FBXO48: variants seen among roughly 807,000 people sequenced by gnomAD.
The protein encoded by FBXO48 is F-box protein 48.
FBXO48 carries 12 observed loss-of-function variants against 14.3 expected under a neutral mutation model. That is an observed-to-expected ratio of 0.84 (90% CI 0.54 to 1.36). FBXO48 has a LOEUF of 1.36. FBXO48 is among the 40% of genes most tolerant of loss of function. The pLI is 0.00. For missense variants in FBXO48, 177 were observed against 179.1 expected (o/e 0.99, Z 0.07); for synonymous variants, 53 against 61.7 (o/e 0.86, Z 0.66).
chr2:68,459,928 T>C lies in FBXO48; in HGVS notation c.*4281A>G, dbSNP rs1364690354. 6.6e-6 allele frequency: 1 copy of C among 152,154 alleles called. No homozygotes were observed. The highest frequency in any genetic ancestry group is 1.5e-5 in the Non-Finnish European group (1 of 68,034). 9.4% of individuals were successfully genotyped at this position (152,154 alleles called of 1,614,324 possible). A position where few individuals can be genotyped will look rare whatever the true frequency, so the allele number is the denominator to read the frequency against. On this transcript the variant is annotated 3_prime_UTR_variant, in exon 4 of 4. Transcript: ENST00000377957. The stretch of plus-strand genomic sequence containing the variant: ...AAGATGATAAGTTTTACAATAGATT[T>C]TTGCCAAGAAAAGAATCAATGGTGG...
At chr2:68,466,721 T>C (rs1160051097) in intron 1 of FBXO48, among the ~76,000 whole-genome samples, 1 of 152,164 alleles carries the variant, frequency 6.6e-6, no homozygotes, top group African/African-American at 2.4e-5. Context: ...GTAACGGGAA[T>C]GAAGGCTTTT....
rs1205010547 is a variant in FBXO48 at position 68,460,297 on chromosome 2, T to C, written c.*3912A>G. ...ATGTCAAATAAGGACAAGAATTAAG[T>C]AATGAGGCAGAGATAAAGATGGGGA... On this transcript the variant is annotated 3_prime_UTR_variant, in exon 4 of 4. Transcript: ENST00000377957. 6.6e-6 allele frequency: 1 copy of C among 152,082 alleles called. No individual in the cohort carries two copies. The highest frequency in any genetic ancestry group is 1.5e-5 in the Non-Finnish European group (1 of 68,006). The allele number at this position is 152,082 out of a possible 1,614,324, so 9.4% of individuals were successfully genotyped here.
intron 1 of FBXO48, among the ~76,000 whole-genome samples, chr2:68,466,898 C>G (rs1573130068): frequency 6.6e-6 from 1 of 152,302 alleles, no homozygotes; most frequent in Non-Finnish European, 1.5e-5. Context: ...AAAGCTCGTC[C>G]CCCTTTCAAC....
Position 68,464,328 on chromosome 2 carries a change from C to T in FBXO48, c.349G>A (p.Glu117Lys), listed in dbSNP as rs150621874. Reference sequence around the variant, plus strand: ...TTGCTGTATCTGCCACTTAGCCATTCGTGTTTCACTTTACTCTTCTGGTAA... The same window carrying T: ...TTGCTGTATCTGCCACTTAGCCATTTGTGTTTCACTTTACTCTTCTGGTAA... ...RNYQKSKVKH[E>K]WLSGRYSNIC... The change falls in exon 4 of 4, where the codon GAA becomes AAA. Residue 117 changes from glutamate (E) to lysine (K), a missense_variant. By Grantham distance (56) the Glu-to-Lys change is moderately conservative. Transcript: ENST00000377957. The T allele has an allele frequency of 1.4e-5, 22 of 1,613,580 alleles. No individual in the cohort carries two copies. In the African/African-American group the frequency reaches 2.1e-4, roughly 16 times the overall value.
In FBXO48 at chr2:68,464,954, G is replaced by T. The variant is rs1319152977; in HGVS notation, c.192C>A (p.Ser64Arg). 2 of 1,613,848 alleles carry T rather than the reference G, an allele frequency of 1.2e-6. No individual in the cohort carries two copies. The highest frequency in any genetic ancestry group is 1.7e-6 in the Non-Finnish European group (2 of 1,179,974). ...CACTGTTTCTTATTGTGTCATTCCA[G>T]CTCCTGCATGTCAATGAAGCCCTGC... The part of the protein sequence containing the change: ...SLCRASLTCR[S>R]WNDTIRNSDS... The change falls in exon 3 of 4, where the codon AGC becomes AGA. Residue 64 changes from serine to arginine, a missense_variant. By Grantham distance (110) the Ser-to-Arg change is moderately radical. Coordinates refer to ENST00000377957, the MANE Select transcript of FBXO48 (RefSeq NM_001024680.3).
At chr2:68,466,000 T>A (rs572848865) in intron 2 of FBXO48, 144 bp downstream of exon 2, 1 of 152,316 alleles carries the variant, frequency 6.6e-6, no homozygotes, top group African/African-American at 2.4e-5. Flanking sequence ...CTATCCTACA[T>A]GCATAATTAC....
Position 68,459,926 on chromosome 2 carries a change from T to G in FBXO48, c.*4283A>C, listed in dbSNP as rs1235245895. On this transcript the variant is annotated 3_prime_UTR_variant, in exon 4 of 4. Transcript: ENST00000377957. ...CCAAGATGATAAGTTTTACAATAGATTTTTGCCAAGAAAAGAATCAATGGT... is the reference window on the plus strand; with the variant it reads ...CCAAGATGATAAGTTTTACAATAGAGTTTTGCCAAGAAAAGAATCAATGGT... The G allele has an allele frequency of 6.6e-6, 1 of 152,142 alleles. No homozygotes were observed. Among genetic ancestry groups the G allele is most frequent in the Non-Finnish European group, 1.5e-5 (1 of 68,022 alleles). 9.4% of individuals were successfully genotyped at this position (152,142 alleles called of 1,614,324 possible).
rs1025353673 is a variant in FBXO48 at position 68,460,594 on chromosome 2, A to G, written c.*3615T>C. On this transcript the variant is annotated 3_prime_UTR_variant, in exon 4 of 4. Coordinates refer to ENST00000377957, the MANE Select transcript of FBXO48 (RefSeq NM_001024680.3). Reference sequence around the variant, plus strand: ...GGATAAAAATCCAAAAGATAATAGCATATGTATTTCTGGAACATCTCATGG... The same window carrying G: ...GGATAAAAATCCAAAAGATAATAGCGTATGTATTTCTGGAACATCTCATGG... 2.0e-5 allele frequency: 3 copies of G among 151,802 alleles called. No individual in the cohort carries two copies. Among genetic ancestry groups the G allele is most frequent in the South Asian group, 4.1e-4 (2 of 4,824 alleles). The allele number at this position is 151,802 out of a possible 1,614,324, so 9.4% of individuals were successfully genotyped here.
Position 68,464,116 on chromosome 2 carries a change from C to G in FBXO48, c.*93G>C, listed in dbSNP as rs1198525301. On this transcript the variant is annotated 3_prime_UTR_variant, in exon 4 of 4. Coordinates refer to ENST00000377957, the MANE Select transcript of FBXO48 (RefSeq NM_001024680.3). Reference sequence around the variant, plus strand: ...CATTTTCTTTTAAAAAGGTGAACAACAAAATGAACGAATAAAGATATCGCT... The same window carrying G: ...CATTTTCTTTTAAAAAGGTGAACAAGAAAATGAACGAATAAAGATATCGCT... The G allele has an allele frequency of 6.4e-6, 7 of 1,095,522 alleles. No individual in the cohort carries two copies. Among genetic ancestry groups the G allele is most frequent in the African/African-American group, 6.2e-5 (4 of 64,292 alleles). The allele number at this position is 1,095,522 out of a possible 1,614,324, so 67.9% of individuals were successfully genotyped here. A position where few individuals can be genotyped will look rare whatever the true frequency, so the allele number is the denominator to read the frequency against.
chr2:68,460,767 G>C lies in FBXO48; in HGVS notation c.*3442C>G, dbSNP rs1024513279. 4.6e-5 allele frequency: 7 copies of C among 152,184 alleles called. No individual in the cohort carries two copies. Among genetic ancestry groups the C allele is most frequent in the African/African-American group, 1.4e-4 (6 of 41,428 alleles). The allele number at this position is 152,184 out of a possible 1,614,324, so 9.4% of individuals were successfully genotyped here. ...CTTTGGGGGAACACTAACATGTAATGAGTAGGTGAAGGAAAGCGAGTCTTT... is the reference window on the plus strand; with the variant it reads ...CTTTGGGGGAACACTAACATGTAATCAGTAGGTGAAGGAAAGCGAGTCTTT... On this transcript the variant is annotated 3_prime_UTR_variant, in exon 4 of 4. Transcript: ENST00000377957.
In FBXO48 at chr2:68,462,148, A is replaced by G. The variant is rs1675279495; in HGVS notation, c.*2061T>C. On this transcript the variant is annotated 3_prime_UTR_variant, in exon 4 of 4. Transcript: ENST00000377957. ...AGTCTCCCTAATTAGGATAACTTCT[A>G]TTAACAGATGATGATGATAGATTGT... 1.3e-5 allele frequency: 2 copies of G among 152,172 alleles called. No individual in the cohort carries two copies. Among genetic ancestry groups the G allele is most frequent in the South Asian group, 4.1e-4 (2 of 4,828 alleles). 9.4% of individuals were successfully genotyped at this position (152,172 alleles called of 1,614,324 possible).
chr2:68,464,428 T>C (rs1675344397), intron 3 of FBXO48, 58 bp from the exon 4 acceptor site: 2 of 1,511,790 alleles, frequency 1.3e-6, no homozygotes, highest in Admixed American at 1.7e-5. Flanking sequence ...TTAGTGAATG[T>C]GTTTAAAGCA....
At chr2:68,466,052 A>C (rs1230412453) in intron 2 of FBXO48, 92 bp downstream of exon 2, 1 of 152,224 alleles carries the variant, frequency 6.6e-6, no homozygotes, top group African/African-American at 2.4e-5. Context: ...AGCAACAGTG[A>C]GTGACAACTG....
chr2:68,465,322 C>T (rs1363088008), intron 2 of FBXO48, 144 bp from the exon 3 acceptor site: 2 of 593,214 alleles, frequency 3.4e-6, no homozygotes, highest in African/African-American at 3.7e-5. Context: ...CTGCCGCTCT[C>T]CTGAAAGTTC....
rs1258560777 is a variant in FBXO48, at chr2:68,466,419, T to C, written c.-309A>G. 1 of 152,230 alleles carries C rather than the reference T, an allele frequency of 6.6e-6. No homozygotes were observed. Among genetic ancestry groups the C allele is most frequent in the African/African-American group, 2.4e-5 (1 of 41,450 alleles). 9.4% of individuals were successfully genotyped at this position (152,230 alleles called of 1,614,324 possible). A position where few individuals can be genotyped will look rare whatever the true frequency, so the allele number is the denominator to read the frequency against. ...AGACCACGGTGGCTCCCATTCATGA[T>C]CCAGATTAGCTGTGGTGGCTGGAAC... On this transcript the variant is annotated 5_prime_UTR_variant, in exon 2 of 4. Transcript: ENST00000377957.
Position 68,462,075 on chromosome 2 carries a change from C to G in FBXO48, c.*2134G>C, listed in dbSNP as rs180852042. ...AAAACAAAAACAAAAAACTGCCCCC[C>G]ACCCCGGCCAAAAAAAACCACACAC... is the stretch of plus-strand genomic sequence containing the variant. On this transcript the variant is annotated 3_prime_UTR_variant, in exon 4 of 4. Coordinates refer to ENST00000377957, the MANE Select transcript of FBXO48 (RefSeq NM_001024680.3). 2 of 152,294 alleles carry G rather than the reference C, an allele frequency of 1.3e-5. No individual in the cohort carries two copies. Among genetic ancestry groups the G allele is most frequent in the Non-Finnish European group, 2.9e-5 (2 of 68,430 alleles). 9.4% of individuals were successfully genotyped at this position (152,294 alleles called of 1,614,324 possible).
Position 68,465,003 on chromosome 2 carries a change from C to T in FBXO48, c.143G>A (p.Ser48Asn). ...GCACAGACTCCGAATGTCCAGCTGA[C>T]TGAAAATTTTAAAAGTGATTTCTGC... ...LPAEITFKIFSQLDIRSLCRA... is the reference protein window; with the variant it reads ...LPAEITFKIFNQLDIRSLCRA... Residue 48 changes from serine to asparagine, a missense_variant, in exon 3 of 4, where the codon AGT (serine) becomes AAT (asparagine). Ser to Asn is a conservative substitution (Grantham distance 46, BLOSUM62 1). Transcript: ENST00000377957. 1 of 1,613,998 alleles carries T rather than the reference C, an allele frequency of 6.2e-7. No individual in the cohort carries two copies. Among genetic ancestry groups the T allele is most frequent in the Non-Finnish European group, 8.5e-7 (1 of 1,180,040 alleles).
At position 68,464,356 on chromosome 2, in the gene FBXO48, C is replaced by A; in HGVS notation, c.321G>T (p.Arg107Ser). The change falls in exon 4 of 4, where the codon AGG becomes AGT. Residue 107 changes from arginine to serine, a missense_variant. Arg to Ser is a moderately radical substitution (Grantham distance 110). Transcript: ENST00000377957. ...SGYSWRVILL[R>S]NYQKSKVKHE... ...GTTTCACTTTACTCTTCTGGTAATT[C>A]CTCAGCAGTATCACCTGAAAGAGGT... 6.2e-7 allele frequency: 1 copy of A among 1,613,604 alleles called. No homozygotes were observed. The highest frequency in any genetic ancestry group is 8.5e-7 in the Non-Finnish European group (1 of 1,179,890).
rs1177497344 is a variant in FBXO48 at position 68,463,319 on chromosome 2, C to CA, written c.*889dup. The CA allele has an allele frequency of 6.6e-6, 1 of 151,664 alleles. No individual in the cohort carries two copies. Among genetic ancestry groups the CA allele is most frequent in the East Asian group, 1.9e-4 (1 of 5,192 alleles). The allele number at this position is 151,664 out of a possible 1,614,324, so 9.4% of individuals were successfully genotyped here. On this transcript the variant is annotated 3_prime_UTR_variant, in exon 4 of 4. Coordinates refer to ENST00000377957, the MANE Select transcript of FBXO48 (RefSeq NM_001024680.3). ...ATCTGTTTTTATGAAAAAAGAGAAA[C>CA]AAAAGTTTTTAAAAGTTAAAATAAA...
Sources: allele counts gnomAD v4.1 joint callset (sites outside exome capture counted in the v4.1 genomes callset), GRCh38; gene constraint gnomAD v4.1.1; transcripts MANE v1.5; gene names NCBI Gene and HGNC (gene_info 2026-07-23, HGNC 2026-07-21).